ETV6: variants seen among roughly 807,000 people sequenced by gnomAD.
The protein encoded by ETV6 is ETS variant transcription factor 6.
A neutral mutation model predicts 51.1 loss-of-function variants in ETV6; 16 were observed. That is an observed-to-expected ratio of 0.31 (90% CI 0.21 to 0.48). The LOEUF (loss-of-function observed/expected upper bound fraction) is 0.48, where lower values mean the gene tolerates loss of function less well. Among genes scored for constraint, ETV6 ranks in the 20% least tolerant of loss-of-function variants. The pLI, the probability that ETV6 is intolerant of heterozygous loss-of-function variation, is 0.99. For synonymous variants in ETV6, 240 were observed against 224.1 expected (o/e 1.07, Z -0.64); for missense variants, 458 against 594.8 (o/e 0.77, Z 2.39).
chr12:11,651,693 TATAG>T (rs1863909652), intron 1 of ETV6, among the ~76,000 whole-genome samples: 1 of 152,214 alleles, frequency 6.6e-6, no homozygotes, highest in Admixed American at 6.5e-5. Flanking sequence ...AATCCTGCGG[TATAG>T]ATAATCTAAT....
chr12:11,810,285 A>T (rs1007116461), intron 2 of ETV6, among the ~76,000 whole-genome samples: 2 of 152,218 alleles, frequency 1.3e-5, no homozygotes, highest in African/African-American at 4.8e-5. Context: ...TTCAAGTCCA[A>T]GTAGAAGTCC....
intron 2 of ETV6, among the ~76,000 whole-genome samples, chr12:11,831,675 A>G (rs1353552324): frequency 2.0e-5 from 3 of 152,346 alleles, no homozygotes; most frequent in Admixed American, 6.5e-5. Context: ...GTATTTTTCT[A>G]TGCATTGAGA....
intron 1 of ETV6, among the ~76,000 whole-genome samples, chr12:11,687,252 C>T (rs1864651487): frequency 6.8e-6 from 1 of 146,740 alleles, no homozygotes; most frequent in African/African-American, 2.5e-5. Context: ...CCTCCGGCTC[C>T]CCGCTCCCCA....
At chr12:11,760,920 ATATG>A (rs1295926578) in intron 2 of ETV6, among the ~76,000 whole-genome samples, 5 of 126,246 alleles carry the variant, frequency 4.0e-5, no homozygotes, top group African/African-American at 1.3e-4. Flanking sequence ...ATATAAAAGT[ATATG>A]TGTGTGTGTG....
At chr12:11,870,021 C>G (rs746457182) in intron 5 of ETV6, 52 bp downstream of exon 5, 1 of 1,544,374 alleles carries the variant, frequency 6.5e-7, no homozygotes. Context: ...CTGACAAAGT[C>G]CCACTCTCCC....
chr12:11,812,841 AC>A (rs1364749993), intron 2 of ETV6, among the ~76,000 whole-genome samples: 14 of 152,170 alleles, frequency 9.2e-5, no homozygotes, highest in African/African-American at 3.4e-4. Flanking sequence ...CTGCTTCACC[AC>A]CACAAGGGGA....
intron 2 of ETV6, among the ~76,000 whole-genome samples, chr12:11,812,987 G>A (rs1397481681): frequency 6.6e-6 from 1 of 152,158 alleles, no homozygotes; most frequent in Non-Finnish European, 1.5e-5. Context: ...TGGCTGCGGT[G>A]ACCCGGTGCT....
intron 1 of ETV6, among the ~76,000 whole-genome samples, chr12:11,691,416 A>G (rs527327798): frequency 2.6e-5 from 4 of 152,214 alleles, no homozygotes; most frequent in African/African-American, 9.6e-5. Flanking sequence ...CAAGGTAACT[A>G]TTATCTGAAC....
intron 1 of ETV6, among the ~76,000 whole-genome samples, chr12:11,686,680 G>A (rs752675663): frequency 5.3e-5 from 8 of 151,774 alleles, no homozygotes; most frequent in African/African-American, 1.5e-4. Context: ...GGCATGTGCC[G>A]CCACACCTGG....
intron 1 of ETV6, among the ~76,000 whole-genome samples, chr12:11,675,194 C>T (rs1864399537): frequency 6.6e-6 from 1 of 152,186 alleles, no homozygotes; most frequent in Non-Finnish European, 1.5e-5. Context: ...CCCCAAGCAC[C>T]TGTAGCTCCC....
intron 2 of ETV6, among the ~76,000 whole-genome samples, chr12:11,762,307 A>G (rs1591656182): frequency 6.6e-6 from 1 of 152,342 alleles, no homozygotes; most frequent in South Asian, 2.1e-4. Flanking sequence ...CAACATGCAC[A>G]GGTGTGGCTT....
At chr12:11,689,990 G>A (rs1334232933) in intron 1 of ETV6, among the ~76,000 whole-genome samples, 2 of 152,008 alleles carry the variant, frequency 1.3e-5, no homozygotes, top group Non-Finnish European at 2.9e-5. Context: ...GGTGTCACAA[G>A]CATGGATTTA....
chr12:11,675,360 G>A (rs184898443), intron 1 of ETV6, among the ~76,000 whole-genome samples: 10 of 152,328 alleles, frequency 6.6e-5, no homozygotes. Context: ...ATATTTTAAA[G>A]TATTACCTAT....
chr12:11,888,995 GGTA>G (rs1408206296), intron 7 of ETV6, among the ~76,000 whole-genome samples: 1 of 152,022 alleles, frequency 6.6e-6, no homozygotes, highest in Non-Finnish European at 1.5e-5. Flanking sequence ...GCTCCTAGAA[GGTA>G]GAGGATTCTA....
chr12:11,888,867 G>C lies in ETV6; in HGVS notation c.1254-2074G>C, dbSNP rs147814310. Among the ~76,000 whole-genome samples, 1,447 of 152,230 alleles carry C rather than the reference G, an allele frequency of 9.5e-3. 27 individuals are homozygous for C. The highest frequency in any genetic ancestry group is 0.034 in the African/African-American group (1,391 of 41,518). On this transcript the variant is annotated intron_variant, in intron 7 of 7. Transcript: ENST00000396373. ...CTACAGGATTTATATTTTGAATACA[G>C]GTTGAGTATCCCTCATCTGGAATGC...
At position 11,809,130 on chromosome 12, in the gene ETV6, C is replaced by T. The variant is rs556958918; in HGVS notation, c.164-30010C>T. Among the ~76,000 whole-genome samples, 12 of 149,274 alleles carry T rather than the reference C, an allele frequency of 8.0e-5. No homozygotes were observed. In the East Asian group the frequency reaches 2.2e-3, roughly 27 times the overall value. On this transcript the variant is annotated intron_variant, in intron 2 of 7. Coordinates refer to ENST00000396373, the MANE Select transcript of ETV6 (RefSeq NM_001987.5). Reference sequence around the variant, plus strand: ...GTGGTGAGCCGTGATCGTGCCACTGCACTCCAGCCTGGGTGACACAGGGAG... The same window carrying T: ...GTGGTGAGCCGTGATCGTGCCACTGTACTCCAGCCTGGGTGACACAGGGAG...
chr12:11,675,963 A>G (rs964421846), intron 1 of ETV6, among the ~76,000 whole-genome samples: 21 of 152,216 alleles, frequency 1.4e-4, no homozygotes, highest in African/African-American at 5.1e-4. Context: ...AGGGAAAGAA[A>G]CTGATGAAGG....
chr12:11,795,712 A>G (rs1945666102), intron 2 of ETV6, among the ~76,000 whole-genome samples: 1 of 152,240 alleles, frequency 6.6e-6, no homozygotes, highest in African/African-American at 2.4e-5. Flanking sequence ...GTATACAGAA[A>G]GGTAATATTG....
At chr12:11,801,256 G>A (rs973715633) in intron 2 of ETV6, among the ~76,000 whole-genome samples, 11 of 152,178 alleles carry the variant, frequency 7.2e-5, no homozygotes, top group Non-Finnish European at 1.2e-4. Context: ...AAAAGAACGA[G>A]GCAAACTTTT....
Sources: allele counts gnomAD v4.1 joint callset (sites outside exome capture counted in the v4.1 genomes callset), GRCh38; gene constraint gnomAD v4.1.1; transcripts MANE v1.5; gene names NCBI Gene and HGNC (gene_info 2026-07-23, HGNC 2026-07-21).